The following SLC25A21 variants were observed in gnomAD, a reference collection of about 807,000 sequenced individuals.
SLC25A21 encodes solute carrier family 25 member 21.
Under a neutral mutation model 43.8 loss-of-function variants are expected in SLC25A21, and 47 were observed. The ratio of observed to expected loss-of-function variants is 1.07; its 90% confidence interval spans 0.85 to 1.37. SLC25A21 has a LOEUF of 1.37. SLC25A21 is among the 40% of genes most tolerant of loss of function. The pLI is 0.00. For missense variants in SLC25A21, 352 were observed against 350.2 expected (o/e 1.00, Z -0.04); for synonymous variants, 131 against 121.3 (o/e 1.08, Z -0.52).
At chr14:36,930,939 T>C (rs528367801) in intron 1 of SLC25A21, among the ~76,000 whole-genome samples, 14 of 152,280 alleles carry the variant, frequency 9.2e-5, no homozygotes, top group Middle Eastern at 3.4e-3. Context: ...ATCCCCCTGC[T>C]TCTTCATCTA....
chr14:36,955,031 A>G (rs1162005109), intron 1 of SLC25A21, among the ~76,000 whole-genome samples: 1 of 152,126 alleles, frequency 6.6e-6, no homozygotes, highest in African/African-American at 2.4e-5. Context: ...GAGTTTTTGC[A>G]TGTTTTTTCT....
chr14:37,055,104 T>C (rs914112388), intron 1 of SLC25A21, among the ~76,000 whole-genome samples: 1 of 152,180 alleles, frequency 6.6e-6, no homozygotes, highest in Non-Finnish European at 1.5e-5. Flanking sequence ...TTGTCATCAT[T>C]GTATGTTAGG....
chr14:36,811,982 T>G (rs1888286623), intron 3 of SLC25A21, among the ~76,000 whole-genome samples: 1 of 152,124 alleles, frequency 6.6e-6, no homozygotes, highest in Non-Finnish European at 1.5e-5. Flanking sequence ...GACACTATAG[T>G]TGTAAGACAA....
rs373274280 is a variant in SLC25A21, at chr14:36,816,497, C to CTTTTTT, written c.120-2502_120-2497dup. On this transcript the variant is annotated intron_variant, in intron 2 of 9. Coordinates refer to ENST00000331299, the MANE Select transcript of SLC25A21 (RefSeq NM_030631.4). Reference sequence around the variant, plus strand: ...AATGACACATTTAACATATTCTCCTCTTTTTTTTTTTTTTTTTTGAGACAG... The same window carrying CTTTTTT: ...AATGACACATTTAACATATTCTCCTCTTTTTTTTTTTTTTTTTTTTTTTTGAGACAG... Among the ~76,000 whole-genome samples the CTTTTTT allele has an allele frequency of 2.3e-5, 3 of 131,834 alleles. No homozygotes were observed. The East Asian group carries it at 6.4e-4, about 28-fold the overall frequency. 86.5% of individuals were successfully genotyped at this position (131,834 alleles called of 152,430 possible).
rs1890253724 is a variant in SLC25A21, at chr14:36,867,789, TCG to T, written c.119+7165_119+7166del. Among the ~76,000 whole-genome samples the T allele has an allele frequency of 4.3e-5, 4 of 93,262 alleles. No homozygotes were observed. The South Asian group carries it at 1.4e-3, about 32-fold the overall frequency. 61.2% of individuals were successfully genotyped at this position (93,262 alleles called of 152,430 possible). A position where few individuals can be genotyped will look rare whatever the true frequency, so the allele number is the denominator to read the frequency against. On this transcript the variant is annotated intron_variant, in intron 2 of 9. Transcript: ENST00000331299. ...TAAACCAGGATTAAACACCATGCTTTCGTGTGTGTGTGTGTGTGTGTGTGTGT... is the reference window on the plus strand; with the variant it reads ...TAAACCAGGATTAAACACCATGCTTTTGTGTGTGTGTGTGTGTGTGTGTGT...
intron 1 of SLC25A21, among the ~76,000 whole-genome samples, chr14:37,134,593 C>A (rs1298380470): frequency 6.6e-6 from 1 of 150,690 alleles, no homozygotes; most frequent in Non-Finnish European, 1.5e-5. Context: ...TGCAGTGAGC[C>A]ATGCTCACTC....
rs142010897 is a variant in SLC25A21, at chr14:37,081,603, T to G, written c.70+90678A>C. Among the ~76,000 whole-genome samples, 536 of 152,358 alleles carry G rather than the reference T, an allele frequency of 3.5e-3. 3 individuals carry two copies. Among genetic ancestry groups the G allele is most frequent in the African/African-American group, 0.012 (501 of 41,586 alleles). On this transcript the variant is annotated intron_variant, in intron 1 of 9. Coordinates refer to ENST00000331299, the MANE Select transcript of SLC25A21 (RefSeq NM_030631.4). Reference sequence around the variant, plus strand: ...AAACAAAGAGGGAAATACTACATTATTAAGCCCAAAACCATTATTGGCTTA... The same window carrying G: ...AAACAAAGAGGGAAATACTACATTAGTAAGCCCAAAACCATTATTGGCTTA...
rs145393540 is a variant in SLC25A21, at chr14:37,142,499, C to A, written c.70+29782G>T. Among the ~76,000 whole-genome samples the A allele has an allele frequency of 2.2e-3, 333 of 152,242 alleles. 1 individual carries two copies. Among genetic ancestry groups the A allele is most frequent in the African/African-American group, 7.2e-3 (300 of 41,548 alleles). On this transcript the variant is annotated intron_variant, in intron 1 of 9. Transcript: ENST00000331299. Reference sequence around the variant, plus strand: ...CCTCAGCCTCTCAAGTAGCTGGGACCGCAGACAGGTGCTACCATATCTGGT... The same window carrying A: ...CCTCAGCCTCTCAAGTAGCTGGGACAGCAGACAGGTGCTACCATATCTGGT...
At chr14:37,113,393 AG>A (rs1963053986) in intron 1 of SLC25A21, among the ~76,000 whole-genome samples, 1 of 152,198 alleles carries the variant, frequency 6.6e-6, no homozygotes, top group Non-Finnish European at 1.5e-5. Flanking sequence ...GTGATACAGT[AG>A]ATTACAAGAT....
At position 36,680,427 on chromosome 14, in the gene SLC25A21, A is replaced by C; in HGVS notation, c.*231T>G. 1 of 1,154,026 alleles carries C rather than the reference A, an allele frequency of 8.7e-7. No homozygotes were observed. The highest frequency in any genetic ancestry group is 1.1e-6 in the Non-Finnish European group (1 of 930,596). 71.5% of individuals were successfully genotyped at this position (1,154,026 alleles called of 1,614,324 possible). A position where few individuals can be genotyped will look rare whatever the true frequency, so the allele number is the denominator to read the frequency against. ...TATGCTATTTTTCTATATTCACTTTAAATACCTCATTGTTTCATATTATTT... is the reference window on the plus strand; with the variant it reads ...TATGCTATTTTTCTATATTCACTTTCAATACCTCATTGTTTCATATTATTT... On this transcript the variant is annotated 3_prime_UTR_variant, in exon 10 of 10. Coordinates refer to ENST00000331299, the MANE Select transcript of SLC25A21 (RefSeq NM_030631.4).
At chr14:37,161,012 C>CG (rs149309236) in intron 1 of SLC25A21, among the ~76,000 whole-genome samples, 55,237 of 81,878 alleles carry the variant, frequency 0.67, 16,493 homozygotes, top group East Asian at 0.81. Flanking sequence ...GTGGAGGGGG[C>CG]GGGGGGGAGG....
intron 1 of SLC25A21, among the ~76,000 whole-genome samples, chr14:36,898,002 G>T (rs1303732009): frequency 6.6e-6 from 1 of 152,234 alleles, no homozygotes; most frequent in East Asian, 1.9e-4. Flanking sequence ...TGAGGAGGCA[G>T]TCTGTCCATT....
chr14:36,682,016 C>T (rs2139135136), intron 9 of SLC25A21, among the ~76,000 whole-genome samples: 1 of 152,324 alleles, frequency 6.6e-6, no homozygotes, highest in East Asian at 1.9e-4. Flanking sequence ...AGGTTTAAAT[C>T]ACAGACTTCA....
At chr14:37,035,111 C>A (rs1292892259) in intron 1 of SLC25A21, among the ~76,000 whole-genome samples, 1 of 152,156 alleles carries the variant, frequency 6.6e-6, no homozygotes, top group East Asian at 1.9e-4. Flanking sequence ...AAAGAAACAC[C>A]CACCTGATTT....
At chr14:37,083,992 T>C (rs1332557523) in intron 1 of SLC25A21, among the ~76,000 whole-genome samples, 1 of 152,228 alleles carries the variant, frequency 6.6e-6, no homozygotes. Flanking sequence ...CTCTGTGCCA[T>C]ATCCTTTAAG....
In SLC25A21 at chr14:36,900,258, G is replaced by A. The variant is rs1335372740; in HGVS notation, c.71-25254C>T. Among the ~76,000 whole-genome samples, 6 of 151,978 alleles carry A rather than the reference G, an allele frequency of 3.9e-5. No homozygotes were observed. In the South Asian group the frequency reaches 8.3e-4, roughly 21 times the overall value. The stretch of plus-strand genomic sequence containing the variant: ...GAAGATAAATCCCTAGAAGGGCTTC[G>A]ATTGGCCTCACTTTAGTCACATGTG... On this transcript the variant is annotated intron_variant, in intron 1 of 9. Coordinates refer to ENST00000331299, the MANE Select transcript of SLC25A21 (RefSeq NM_030631.4).
intron 1 of SLC25A21, among the ~76,000 whole-genome samples, chr14:37,134,952 G>A (rs535242944): frequency 6.2e-5 from 9 of 146,044 alleles, no homozygotes; most frequent in East Asian, 6.1e-4. Flanking sequence ...TTTTGAGACC[G>A]AGTCTCACTC....
At chr14:37,009,488 GA>G (rs1282216900) in intron 1 of SLC25A21, among the ~76,000 whole-genome samples, 1 of 149,826 alleles carries the variant, frequency 6.7e-6, no homozygotes, top group Non-Finnish European at 1.5e-5. Context: ...TTCATCTCAA[GA>G]AAAAAAAAGA....
At chr14:36,709,045 T>C (rs192207940) in intron 7 of SLC25A21, among the ~76,000 whole-genome samples, 52 of 152,234 alleles carry the variant, frequency 3.4e-4, no homozygotes, top group Admixed American at 1.6e-3. Flanking sequence ...GCTCGCTCTG[T>C]TGCCCAGGCT....
Sources: allele counts gnomAD v4.1 joint callset (sites outside exome capture counted in the v4.1 genomes callset), GRCh38; gene constraint gnomAD v4.1.1; transcripts MANE v1.5; gene names NCBI Gene and HGNC (gene_info 2026-07-23, HGNC 2026-07-21).